The following NTM variants were observed in gnomAD, a reference collection of about 807,000 sequenced individuals.
The protein encoded by NTM is IgLON family member 2.
Under a neutral mutation model 42.1 loss-of-function variants are expected in NTM, and 13 were observed. That is an observed-to-expected ratio of 0.31 (90% confidence interval 0.20 to 0.49). The LOEUF (loss-of-function observed/expected upper bound fraction) is 0.49. NTM is among the 20% of genes least tolerant of loss of function. NTM has a pLI of 0.99. For missense variants in NTM, 373 were observed against 452.8 expected, an observed-to-expected ratio of 0.82 and a Z score of 1.60; for synonymous variants, 187 against 179.2, an observed-to-expected ratio of 1.04 and a Z score of -0.35.
intron 1 of NTM, among the ~76,000 whole-genome samples, chr11:131,385,082 T>C (rs12419291): frequency 0.011 from 1,682 of 152,326 alleles, 18 homozygotes; most frequent in Middle Eastern, 0.048. Flanking sequence ...GAGGCCATCA[T>C]GTGGCATCCT....
intron 1 of NTM, among the ~76,000 whole-genome samples, chr11:131,515,584 C>T (rs867106420): frequency 5.9e-5 from 9 of 152,124 alleles, no homozygotes; most frequent in East Asian, 1.9e-4. Context: ...GGGTTCAAGG[C>T]GAGAATTGTA....
intron 1 of NTM, among the ~76,000 whole-genome samples, chr11:131,738,885 G>A (rs2080827223): frequency 1.3e-5 from 2 of 152,198 alleles, no homozygotes; most frequent in Admixed American, 6.5e-5. Context: ...ATGTCAGAAA[G>A]TCAACCTGGG....
At chr11:131,576,287 AG>A (rs1455025455) in intron 1 of NTM, among the ~76,000 whole-genome samples, 2 of 152,216 alleles carry the variant, frequency 1.3e-5, no homozygotes, top group Admixed American at 6.5e-5. Flanking sequence ...AAGAGGAAAC[AG>A]CAGGATGTGG....
chr11:131,971,748 A>AG (rs1289509867), intron 2 of NTM, among the ~76,000 whole-genome samples: 2 of 105,180 alleles, frequency 1.9e-5, no homozygotes, highest in African/African-American at 8.9e-5. Context: ...CTACAAAAAA[A>AG]AGAAAAAAAA....
chr11:132,037,165 T>C (rs939806642), intron 2 of NTM, among the ~76,000 whole-genome samples: 12 of 152,248 alleles, frequency 7.9e-5, no homozygotes, highest in Admixed American at 2.0e-4. Flanking sequence ...AATAGATTAA[T>C]GCTTCCTCTT....
intron 1 of NTM, among the ~76,000 whole-genome samples, chr11:131,652,429 T>C (rs76242440): frequency 0.043 from 6,579 of 152,260 alleles, 463 homozygotes; most frequent in African/African-American, 0.15. Flanking sequence ...CTTGTTCCCT[T>C]GGCCTGGGGC....
At chr11:132,094,760 C>T (rs1008066120) in intron 2 of NTM, among the ~76,000 whole-genome samples, 1 of 152,028 alleles carries the variant, frequency 6.6e-6, no homozygotes, top group African/African-American at 2.4e-5. Context: ...ACAAAAATGT[C>T]AGGGAGGTTA....
intron 2 of NTM, among the ~76,000 whole-genome samples, chr11:132,122,759 C>T: frequency 6.6e-6 from 1 of 152,166 alleles, no homozygotes; most frequent in East Asian, 1.9e-4. Flanking sequence ...TCTCCCAAAT[C>T]TCCTGAGCTC....
At chr11:131,738,084 C>T (rs1309227576) in intron 1 of NTM, among the ~76,000 whole-genome samples, 1 of 152,172 alleles carries the variant, frequency 6.6e-6, no homozygotes, top group Admixed American at 6.5e-5. Context: ...TTGCCAGGCT[C>T]ACCAAGAGCA....
intron 1 of NTM, among the ~76,000 whole-genome samples, chr11:131,511,298 G>A (rs1479945132): frequency 2.0e-5 from 3 of 152,176 alleles, no homozygotes; most frequent in African/African-American, 7.2e-5. Flanking sequence ...GCCAGGCCAT[G>A]AGCCCAGCAG....
rs962909731 is a variant in NTM at position 132,021,551 on chromosome 11, C to T, written c.167+109903C>T. Among the ~76,000 whole-genome samples the T allele has an allele frequency of 3.3e-5, 5 of 152,240 alleles. No homozygotes were observed. In the South Asian group the frequency reaches 6.2e-4, roughly 19 times the overall value. On this transcript the variant is annotated intron_variant, in intron 2 of 8. Coordinates refer to ENST00000683400, the MANE Select transcript of NTM (RefSeq NM_001352005.2). ...TTTTGCTGTTTTTTTCTGTTTATGT[C>T]TTTCCTTGTTTAGCAAACTGGCTAA...
intron 2 of NTM, among the ~76,000 whole-genome samples, chr11:132,023,736 T>G (rs2074724170): frequency 6.7e-6 from 1 of 149,926 alleles, no homozygotes; most frequent in Admixed American, 6.6e-5. Flanking sequence ...GTTGTTGGTT[T>G]TGTTGTTGGT....
At chr11:131,741,867 A>G (rs1048322718) in intron 1 of NTM, among the ~76,000 whole-genome samples, 2 of 152,240 alleles carry the variant, frequency 1.3e-5, no homozygotes, top group Non-Finnish European at 2.9e-5. Context: ...AATGTGGTAC[A>G]TACGCACCAT....
chr11:131,784,650 T>A (rs1242488271), intron 1 of NTM, among the ~76,000 whole-genome samples: 1 of 152,144 alleles, frequency 6.6e-6, no homozygotes, highest in East Asian at 1.9e-4. Context: ...GTTGAGAATG[T>A]TCAACAGTGG....
At chr11:131,503,184 G>A (rs1158902605) in intron 1 of NTM, among the ~76,000 whole-genome samples, 1 of 152,158 alleles carries the variant, frequency 6.6e-6, no homozygotes, top group African/African-American at 2.4e-5. Context: ...TGATGATGAG[G>A]GTACAAAGGA....
intron 1 of NTM, among the ~76,000 whole-genome samples, chr11:131,668,694 T>C (rs1186111547): frequency 1.3e-5 from 2 of 152,204 alleles, no homozygotes; most frequent in East Asian, 3.9e-4. Flanking sequence ...GAACTCTGAC[T>C]AATGAGTCTA....
At chr11:132,120,341 T>C (rs1214929925) in intron 2 of NTM, among the ~76,000 whole-genome samples, 2 of 152,090 alleles carry the variant, frequency 1.3e-5, no homozygotes, top group Admixed American at 6.5e-5. Context: ...ACTTAGAAAT[T>C]TGAAGAAGAG....
At chr11:131,950,719 G>A (rs1018186869) in intron 2 of NTM, among the ~76,000 whole-genome samples, 1 of 152,100 alleles carries the variant, frequency 6.6e-6, no homozygotes, top group African/African-American at 2.4e-5. Context: ...TAGACTGCCT[G>A]GCATACATGC....
intron 1 of NTM, among the ~76,000 whole-genome samples, chr11:131,744,566 G>T (rs954619882): frequency 6.6e-6 from 1 of 152,064 alleles, no homozygotes; most frequent in Non-Finnish European, 1.5e-5. Flanking sequence ...AGAGGTAAAA[G>T]GAAGAAAGAA....
Sources: allele counts gnomAD v4.1 joint callset (sites outside exome capture counted in the v4.1 genomes callset), GRCh38; gene constraint gnomAD v4.1.1; transcripts MANE v1.5; gene names NCBI Gene and HGNC (gene_info 2026-07-23, HGNC 2026-07-21).